The following TRPM7 variants were observed in gnomAD, a reference collection of about 807,000 sequenced individuals.
TRPM7 encodes the protein transient receptor potential cation channel subfamily M member 7, also known as LTRPC ion channel family member 7.
A neutral mutation model predicts 229.7 loss-of-function variants in TRPM7; 134 were observed. That is an observed-to-expected ratio of 0.58 (90% CI 0.51 to 0.67). The LOEUF (loss-of-function observed/expected upper bound fraction) is 0.67, where lower values mean the gene tolerates loss of function less well. TRPM7 is among the 30% of genes least tolerant of loss of function. The pLI is 0.00. For missense variants in TRPM7, 1,901 were observed against 2,210.0 expected, an observed-to-expected ratio of 0.86 and a Z score of 2.80; for synonymous variants, 699 against 715.2, an observed-to-expected ratio of 0.98 and a Z score of 0.36.
At chr15:50,643,242 T>C (rs993722552) in intron 5 of TRPM7, 98 bp downstream of exon 5, 5 of 972,154 alleles carry the variant, frequency 5.1e-6, no homozygotes, top group African/African-American at 4.9e-5. Flanking sequence ...TGAGCCGAGA[T>C]TGTGCCATTG....
At chr15:50,629,545 T>G (rs1177350797) in intron 10 of TRPM7, among the ~76,000 whole-genome samples, 1 of 135,174 alleles carries the variant, frequency 7.4e-6, no homozygotes, top group Non-Finnish European at 1.6e-5. Flanking sequence ...AATTTATTAC[T>G]GTAACATTGG....
intron 15 of TRPM7, among the ~76,000 whole-genome samples, 197 bp from the exon 16 acceptor site, chr15:50,613,026 C>A (rs2060106746): frequency 6.6e-6 from 1 of 152,036 alleles, no homozygotes; most frequent in Non-Finnish European, 1.5e-5. Flanking sequence ...AATGCCTTTG[C>A]AATAAACATT....
intron 1 of TRPM7, among the ~76,000 whole-genome samples, chr15:50,663,302 AT>A (rs1257445918): frequency 6.6e-6 from 1 of 151,938 alleles, no homozygotes; most frequent in African/African-American, 2.4e-5. Flanking sequence ...ATAATTTTGT[AT>A]TTTTTTAGTA....
At chr15:50,624,413 C>A in intron 11 of TRPM7, 113 bp from the exon 12 acceptor site, 3 of 951,438 alleles carry the variant, frequency 3.2e-6, no homozygotes, top group South Asian at 4.7e-5. Context: ...AGTTTTAGAA[C>A]AAAATTAGAA....
chr15:50,682,969 T>C (rs1440808043), intron 1 of TRPM7, among the ~76,000 whole-genome samples: 1 of 151,602 alleles, frequency 6.6e-6, no homozygotes, highest in Non-Finnish European at 1.5e-5. Flanking sequence ...TGATCTCAGC[T>C]CACTGCAACC....
At chr15:50,588,998 G>C (rs894153245) in intron 27 of TRPM7, among the ~76,000 whole-genome samples, 1 of 152,100 alleles carries the variant, frequency 6.6e-6, no homozygotes, top group Non-Finnish European at 1.5e-5. Flanking sequence ...TTTAATCAGT[G>C]GAAAACATAT....
At chr15:50,619,936 C>T (rs2060342868) in intron 12 of TRPM7, 138 bp from the exon 13 acceptor site, 3 of 687,848 alleles carry the variant, frequency 4.4e-6, no homozygotes, top group Non-Finnish European at 7.0e-6. Context: ...TAAAGTAGAA[C>T]AACAAAGAAT....
rs1351773641 is a variant in TRPM7 at position 50,575,121 on chromosome 15, C to A, written c.4750G>T (p.Val1584Leu). The A allele has an allele frequency of 6.3e-7, 1 of 1,596,596 alleles. No homozygotes were observed. Among genetic ancestry groups the A allele is most frequent in the Non-Finnish European group, 8.6e-7 (1 of 1,168,556 alleles). The change falls in exon 34 of 39, where the codon GTG becomes TTG. Residue 1584 changes from valine to leucine, a missense_variant. By Grantham distance (32) the Val-to-Leu change is conservative. Coordinates refer to ENST00000646667, the MANE Select transcript of TRPM7 (RefSeq NM_017672.6). ...PVPPRGEPVT[V>L]YRLEESSPNI... is the part of the protein sequence containing the mutation. The stretch of plus-strand genomic sequence containing the variant: ...GGTGAACTCTCTTCCAAACGATACA[C>A]TGTGACAGGCTCCCCTGCAACACAA...
At chr15:50,613,610 C>T (rs916161303) in intron 15 of TRPM7, 97 bp downstream of exon 15, 2 of 1,066,530 alleles carry the variant, frequency 1.9e-6, no homozygotes, top group Non-Finnish European at 1.2e-6. Context: ...AAAGGTAATT[C>T]TTACTAAATC....
intron 1 of TRPM7, among the ~76,000 whole-genome samples, chr15:50,685,747 A>G (rs1373568595): frequency 1.3e-5 from 2 of 152,150 alleles, no homozygotes; most frequent in Non-Finnish European, 2.9e-5. Flanking sequence ...ATCCAAAAAT[A>G]AAAAGCTCTA....
chr15:50,623,391 A>G (rs1369229018), intron 12 of TRPM7, among the ~76,000 whole-genome samples: 1 of 150,640 alleles, frequency 6.6e-6, no homozygotes, highest in Non-Finnish European at 1.5e-5. Context: ...CAGCCTGGTG[A>G]CAGAGCGAGA....
intron 1 of TRPM7, among the ~76,000 whole-genome samples, chr15:50,663,917 C>T (rs2061803851): frequency 6.6e-6 from 1 of 152,074 alleles, no homozygotes; most frequent in Admixed American, 6.6e-5. Flanking sequence ...CAGCCATGAT[C>T]AGGCCACTGC....
At chr15:50,681,667 C>A (rs1013134278) in intron 1 of TRPM7, among the ~76,000 whole-genome samples, 2 of 152,186 alleles carry the variant, frequency 1.3e-5, no homozygotes, top group East Asian at 3.8e-4. Flanking sequence ...GATGACTTAG[C>A]TCAAAAGCTT....
chr15:50,616,870 A>C (rs1358092652), intron 13 of TRPM7, among the ~76,000 whole-genome samples: 1 of 152,078 alleles, frequency 6.6e-6, no homozygotes, highest in Non-Finnish European at 1.5e-5. Flanking sequence ...TAGTAGAGAC[A>C]GGGTTTCACT....
At chr15:50,566,485 C>G (rs532248455) in intron 38 of TRPM7, among the ~76,000 whole-genome samples, 1 of 152,060 alleles carries the variant, frequency 6.6e-6, no homozygotes, top group East Asian at 1.9e-4. Flanking sequence ...ATCACGAGGT[C>G]AAGAGATCAA....
chr15:50,579,283 CT>C (rs2054286056), intron 30 of TRPM7, among the ~76,000 whole-genome samples: 1 of 152,178 alleles, frequency 6.6e-6, no homozygotes, highest in South Asian at 2.1e-4. Flanking sequence ...AGGCTTAGCA[CT>C]TTCATTACAC....
intron 4 of TRPM7, among the ~76,000 whole-genome samples, chr15:50,647,451 G>C (rs1407046860): frequency 6.7e-6 from 1 of 149,796 alleles, no homozygotes; most frequent in South Asian, 2.3e-4. Context: ...TTTTTCTAAA[G>C]AACAGAAAAA....
At chr15:50,614,294 C>G (rs1200907064) in intron 13 of TRPM7, 31 bp from the exon 14 acceptor site, 1 of 1,560,118 alleles carries the variant, frequency 6.4e-7, no homozygotes, top group Non-Finnish European at 8.7e-7. Context: ...TTAAATAGAT[C>G]AGATAGCACT....
chr15:50,613,286 G>A (rs749380320), intron 15 of TRPM7, among the ~76,000 whole-genome samples: 5 of 152,028 alleles, frequency 3.3e-5, no homozygotes, highest in Non-Finnish European at 7.4e-5. Flanking sequence ...GATGGATCAC[G>A]AGGTCAAGAG....
Sources: gnomAD v4.1 joint callset for allele counts (sites outside exome capture counted in the v4.1 genomes callset) on GRCh38, gnomAD v4.1.1 for gene constraint, MANE v1.5 for transcripts, NCBI Gene and HGNC (gene_info 2026-07-23, HGNC 2026-07-21) for gene names.